The following TTI1 variants were observed in gnomAD, a reference collection of about 807,000 sequenced individuals.
TTI1 encodes the protein TELO2 interacting protein 1.
Under a neutral mutation model 85.4 loss-of-function variants are expected in TTI1, and 52 were observed. The ratio of observed to expected loss-of-function variants is 0.61; its 90% confidence interval spans 0.49 to 0.77. The LOEUF is 0.77. TTI1 is among the 30% of genes least tolerant of loss of function. TTI1 has a pLI of 0.00. For missense variants in TTI1, 1,173 were observed against 1,296.0 expected (o/e 0.91, Z 1.46); for synonymous variants, 512 against 503.9 (o/e 1.02, Z -0.22).
Position 38,012,293 on chromosome 20 carries a change from A to G in TTI1, c.1524T>C (p.Phe508=), listed in dbSNP as rs1335101843. Residue 508 remains phenylalanine (F), a synonymous_variant, in exon 2 of 8, where the codon TTT becomes TTC. Transcript: ENST00000373447. ...YGNLYLLVDH[F]MELYHQSVVY... Reference sequence around the variant, plus strand: ...CCACAGATTGATGGTAAAGTTCCATAAAGTGATCCACAAGCAAATAAAGAT... The same window carrying G: ...CCACAGATTGATGGTAAAGTTCCATGAAGTGATCCACAAGCAAATAAAGAT... The G allele has an allele frequency of 6.2e-7, 1 of 1,614,092 alleles. No homozygotes were observed. Among genetic ancestry groups the G allele is most frequent in the Non-Finnish European group, 8.5e-7 (1 of 1,180,050 alleles).
chr20:38,011,909 CT>C lies in TTI1; in HGVS notation c.1907del (p.Gln636ArgfsTer6), dbSNP rs751839530. ...QICIQLEGIG[Q>X]FAYALGKDFC... ...AGTCTTTTCCTAGTGCATATGCAAA[CT>C]GGCCAATTCCTTCCAACTGAATGCA... On this transcript the variant is annotated frameshift_variant, in exon 2 of 8. Coordinates refer to ENST00000373447, the MANE Select transcript of TTI1 (RefSeq NM_001303457.2). LOFTEE classifies it high-confidence loss of function. 2 of 1,614,216 alleles carry C rather than the reference CT, an allele frequency of 1.2e-6. No homozygotes were observed. Among genetic ancestry groups the C allele is most frequent in the Non-Finnish European group, 1.7e-6 (2 of 1,180,044 alleles).
intron 1 of TTI1, among the ~76,000 whole-genome samples, chr20:38,028,852 G>A (rs1416810204): frequency 3.9e-5 from 6 of 152,142 alleles, no homozygotes; most frequent in Non-Finnish European, 8.8e-5. Flanking sequence ...GGGACTCCAG[G>A]TGCATGCCAC....
intron 1 of TTI1, among the ~76,000 whole-genome samples, chr20:38,026,319 C>A (rs537932863): frequency 4.6e-5 from 7 of 152,204 alleles, no homozygotes; most frequent in African/African-American, 1.4e-4. Context: ...ACCAGCACTC[C>A]CGGCTAATTT....
chr20:38,033,019 A>G (rs1409818167), intron 1 of TTI1, among the ~76,000 whole-genome samples: 1 of 152,224 alleles, frequency 6.6e-6, no homozygotes, highest in Non-Finnish European at 1.5e-5. Flanking sequence ...TTAAGAGCCG[A>G]GAGCCCAAAT....
In TTI1 at chr20:37,996,261, A is replaced by C. The variant is rs888770031; in HGVS notation, c.3086+114T>G. On this transcript the variant is annotated intron_variant, in intron 7 of 7. Transcript: ENST00000373447. Reference sequence around the variant, plus strand: ...CTGGCACAGTTAAAGAATTATCTTAACCTGGCAGGGTGACAGAGAAAAGAG... The same window carrying C: ...CTGGCACAGTTAAAGAATTATCTTACCCTGGCAGGGTGACAGAGAAAAGAG... The C allele has an allele frequency of 4.6e-6, 5 of 1,086,576 alleles. No homozygotes were observed. The African/African-American group carries it at 7.8e-5, about 17-fold the overall frequency. 67.3% of individuals were successfully genotyped at this position (1,086,576 alleles called of 1,614,324 possible). A position where few individuals can be genotyped will look rare whatever the true frequency, so the allele number is the denominator to read the frequency against.
Position 38,002,637 on chromosome 20 carries a change from G to A in TTI1, c.2643C>T (p.Ile881=), listed in dbSNP as rs753185525. ...IHLLSDKNLQ[I]RLKVLDVLDL... is the part of the protein sequence containing the mutation. ...GCAGCTGCGCACTGACCTTCAGGCG[G>A]ATTTGCAGATTTTTATCTGACAACA... Residue 881 remains isoleucine, a synonymous_variant, in exon 4 of 8, where the codon ATC becomes ATT. Transcript: ENST00000373447. The A allele has an allele frequency of 6.2e-6, 10 of 1,614,054 alleles. No individual in the cohort carries two copies. The East Asian group carries it at 2.2e-4, about 36-fold the overall frequency.
chr20:38,000,069 G>A (rs2073400014), intron 4 of TTI1, among the ~76,000 whole-genome samples: 1 of 152,224 alleles, frequency 6.6e-6, no homozygotes, highest in Non-Finnish European at 1.5e-5. Context: ...GGCGGCAGAG[G>A]AGAGAAGTGA....
intron 3 of TTI1, 33 bp from the exon 4 acceptor site, chr20:38,002,809 T>G: frequency 6.2e-7 from 1 of 1,606,188 alleles, no homozygotes. Context: ...GGCAGTGTTG[T>G]ATGAGTGATA....
chr20:38,002,902 A>C, intron 3 of TTI1, 126 bp from the exon 4 acceptor site: 1 of 1,274,256 alleles, frequency 7.8e-7, no homozygotes. Flanking sequence ...GGACTGAGAC[A>C]CCTCCACTCA....
In TTI1 at chr20:38,012,862, AAAG is replaced by A. The variant is rs746517053; in HGVS notation, c.952_954del (p.Leu319del). The stretch of plus-strand genomic sequence containing the variant: ...TCGACCAATGATTGACTGCACTTCA[AAAG>A]AAGGTCCTCCACAAGTTCTACCAGT... On this transcript the variant is annotated inframe_deletion, in exon 2 of 8. Transcript: ENST00000373447. 4 of 1,614,104 alleles carry A rather than the reference AAAG, an allele frequency of 2.5e-6. No individual in the cohort carries two copies. The highest frequency in any genetic ancestry group is 3.4e-6 in the Non-Finnish European group (4 of 1,180,046).
At chr20:37,997,594 G>A (rs554166241) in intron 5 of TTI1, among the ~76,000 whole-genome samples, 4 of 152,172 alleles carry the variant, frequency 2.6e-5, no homozygotes, top group African/African-American at 4.8e-5. Flanking sequence ...ATATTGAAAT[G>A]TTTTGCCCTG....
chr20:37,984,552 G>A (rs1351166949), intron 7 of TTI1, among the ~76,000 whole-genome samples: 4 of 152,198 alleles, frequency 2.6e-5, no homozygotes, highest in African/African-American at 7.2e-5. Context: ...AATTCAGTCC[G>A]ACTTGGCAAT....
chr20:38,014,941 T>A (rs1312443881), intron 1 of TTI1, among the ~76,000 whole-genome samples: 1 of 152,022 alleles, frequency 6.6e-6, no homozygotes, highest in African/African-American at 2.4e-5. Flanking sequence ...CTGAGCTGAG[T>A]TGGAGACCAT....
At chr20:38,005,846 G>A (rs1228698347) in intron 3 of TTI1, 2 of 230,160 alleles carry the variant, frequency 8.7e-6, no homozygotes, top group Non-Finnish European at 1.7e-5. Flanking sequence ...ATCATCCACC[G>A]CAGCACTGTT....
At chr20:38,028,912 GC>G (rs1383699628) in intron 1 of TTI1, among the ~76,000 whole-genome samples, 2 of 151,972 alleles carry the variant, frequency 1.3e-5, no homozygotes, top group African/African-American at 4.8e-5. Flanking sequence ...TCGCCATGTT[GC>G]CCAGGCTGTT....
Position 38,011,931 on chromosome 20 carries a change from A to G in TTI1, c.1886T>C (p.Ile629Thr), listed in dbSNP as rs2073598644. 1 of 1,614,198 alleles carries G rather than the reference A, an allele frequency of 6.2e-7. No individual in the cohort carries two copies. Residue 629 changes from isoleucine to threonine, a missense_variant, in exon 2 of 8, where the codon ATT becomes ACT. Transcript: ENST00000373447. ...AAACTGGCCAATTCCTTCCAACTGA[A>G]TGCATATTTGCCAGATGTTACTGTT... Reference protein sequence around the residue: ...SMNSNIWQICIQLEGIGQFAY... With the variant: ...SMNSNIWQICTQLEGIGQFAY...
At chr20:38,024,711 A>T (rs1472916200) in intron 1 of TTI1, among the ~76,000 whole-genome samples, 1 of 152,184 alleles carries the variant, frequency 6.6e-6, no homozygotes, top group African/African-American at 2.4e-5. Context: ...TGGAGAGCCT[A>T]GACTCCCACT....
intron 1 of TTI1, among the ~76,000 whole-genome samples, chr20:38,020,309 T>TAAAAAA (rs1568628803): frequency 4.3e-5 from 2 of 46,708 alleles, no homozygotes; most frequent in South Asian, 7.5e-4. Flanking sequence ...GCTACTCATA[T>TAAAAAA]GAAAAAAAAA....
In TTI1 at chr20:38,017,443, C is replaced by T. The variant is rs575022053; in HGVS notation, c.-41-3586G>A. Among the ~76,000 whole-genome samples the T allele has an allele frequency of 4.0e-4, 53 of 133,024 alleles. No individual in the cohort carries two copies. The South Asian group carries it at 0.011, about 28-fold the overall frequency. The allele number at this position is 133,024 out of a possible 152,430, so 87.3% of individuals were successfully genotyped here. A position where few individuals can be genotyped will look rare whatever the true frequency, so the allele number is the denominator to read the frequency against. ...GTGTGTGTGTGTGTGTGTGCGCGCG[C>T]GCCTTTGGTGTGTGCGCACGAGCCT... is the stretch of plus-strand genomic sequence containing the variant. On this transcript the variant is annotated intron_variant, in intron 1 of 7. Transcript: ENST00000373447.
Sources: gnomAD v4.1 joint callset for allele counts (sites outside exome capture counted in the v4.1 genomes callset) on GRCh38, gnomAD v4.1.1 for gene constraint, MANE v1.5 for transcripts, NCBI Gene and HGNC (gene_info 2026-07-23, HGNC 2026-07-21) for gene names.